HUS1: variants seen among roughly 807,000 people sequenced by gnomAD.
HUS1 encodes the protein HUS1 checkpoint clamp component, also known as checkpoint protein HUS1.
Under a neutral mutation model 32.6 loss-of-function variants are expected in HUS1, and 31 were observed. That is an observed-to-expected ratio of 0.95 (90% confidence interval 0.72 to 1.28). The LOEUF (loss-of-function observed/expected upper bound fraction) is 1.28. Among genes scored for constraint, HUS1 ranks in the 50% most tolerant of loss-of-function variants. The pLI is 0.00. For missense variants in HUS1, 340 were observed against 337.7 expected (o/e 1.01, Z -0.05); for synonymous variants, 123 against 116.6 (o/e 1.06, Z -0.36).
At chr7:47,975,477 C>T (rs1788683152) in intron 5 of HUS1, 136 bp downstream of exon 5, 2 of 662,992 alleles carry the variant, frequency 3.0e-6, no homozygotes, top group Admixed American at 2.7e-5. Context: ...AGGTTCTCAG[C>T]ACCAGGCCAG....
At chr7:47,971,121 A>G (rs1180213549) in intron 5 of HUS1, 1 of 166,402 alleles carries the variant, frequency 6.0e-6, no homozygotes, top group African/African-American at 2.4e-5. Context: ...GAAGGGGGAA[A>G]ATGAGAAGAA....
Position 47,965,012 on chromosome 7 carries a change from G to C in HUS1, c.*344C>G, listed in dbSNP as rs1788448951. On this transcript the variant is annotated 3_prime_UTR_variant, in exon 8 of 8. Coordinates refer to ENST00000258774, the MANE Select transcript of HUS1 (RefSeq NM_004507.4). ...CTGGAGGGAAAGTACCAAGCTCCCA[G>C]GCAACAGCTTTACGAATTCTGGCTA... 4.6e-6 allele frequency: 1 copy of C among 218,668 alleles called. No homozygotes were observed. Among genetic ancestry groups the C allele is most frequent in the South Asian group, 7.0e-5 (1 of 14,256 alleles). The allele number at this position is 218,668 out of a possible 1,614,324, so 13.5% of individuals were successfully genotyped here. A position where few individuals can be genotyped will look rare whatever the true frequency, so the allele number is the denominator to read the frequency against.
chr7:47,977,192 TGAG>T (rs1392784469), intron 3 of HUS1, among the ~76,000 whole-genome samples: 3 of 151,608 alleles, frequency 2.0e-5, no homozygotes, highest in Admixed American at 6.6e-5. Context: ...TTCCTTAGAC[TGAG>T]GAGGTGACAT....
At position 47,964,014 on chromosome 7, in the gene HUS1, C is replaced by T. The variant is rs1788424915; in HGVS notation, c.*1342G>A. ...ATGAAAAAGCCAAAATATAAATTTT[C>T]ATGTTAGCTAGTCTTCCAATTTCAT... On this transcript the variant is annotated 3_prime_UTR_variant, in exon 8 of 8. Coordinates refer to ENST00000258774, the MANE Select transcript of HUS1 (RefSeq NM_004507.4). 6.6e-6 allele frequency: 1 copy of T among 152,188 alleles called. No individual in the cohort carries two copies. Among genetic ancestry groups the T allele is most frequent in the African/African-American group, 2.4e-5 (1 of 41,432 alleles). The allele number at this position is 152,188 out of a possible 1,614,324, so 9.4% of individuals were successfully genotyped here. A position where few individuals can be genotyped will look rare whatever the true frequency, so the allele number is the denominator to read the frequency against.
At chr7:47,977,009 AC>A (rs1788719079) in intron 3 of HUS1, among the ~76,000 whole-genome samples, 172 bp from the exon 4 acceptor site, 1 of 151,728 alleles carries the variant, frequency 6.6e-6, no homozygotes, top group Admixed American at 6.6e-5. Flanking sequence ...TATTTATGGA[AC>A]AGACTCTGGG....
Position 47,969,238 on chromosome 7 carries a change from A to G in HUS1, c.621T>C (p.Asp207=). The G allele has an allele frequency of 1.3e-6, 2 of 1,564,982 alleles. No individual in the cohort carries two copies. The highest frequency in any genetic ancestry group is 1.7e-6 in the Non-Finnish European group (2 of 1,144,722). The stretch of plus-strand genomic sequence containing the variant: ...ACTTACCTAATGGAGGATTTCCAAG[A>G]TCTTTAAAATGAGTTGTAACACATA... ...ELVCVTTHFK[D]LGNPPLASES... Residue 207 remains aspartate (D), a synonymous_variant, in exon 6 of 8, where the codon GAT becomes GAC. Transcript: ENST00000258774.
At position 47,979,562 on chromosome 7, in the gene HUS1, G is replaced by A. The variant is rs200249102; in HGVS notation, c.-43C>T. ...CCGCGGCGGGCCTCTGTGGGTAACA[G>A]AAAAGCGTCGCGCCCTGAGTGTCCC... On this transcript the variant is annotated 5_prime_UTR_variant, in exon 1 of 8. Coordinates refer to ENST00000258774, the MANE Select transcript of HUS1 (RefSeq NM_004507.4). The A allele has an allele frequency of 4.1e-5, 62 of 1,510,384 alleles. No homozygotes were observed. The highest frequency in any genetic ancestry group is 6.4e-6 in the Non-Finnish European group (7 of 1,091,592). The allele number at this position is 1,510,384 out of a possible 1,614,324, so 93.6% of individuals were successfully genotyped here.
rs532404677 is a variant in HUS1 at position 47,966,908 on chromosome 7, C to T, written c.760+898G>A. On this transcript the variant is annotated intron_variant, in intron 7 of 7. Transcript: ENST00000258774. ...TTCTCTGGCGATATCTCCTTCTGTG[C>T]CCATCACTCCAACTGTGTGACACCT... 3.3e-4 allele frequency among the ~76,000 whole-genome samples: 50 copies of T among 152,334 alleles called. 2 individuals are homozygous for T. In the South Asian group the frequency reaches 9.5e-3, roughly 29 times the overall value.
At chr7:47,970,073 A>T (rs1159447276) in intron 5 of HUS1, among the ~76,000 whole-genome samples, 6 of 151,726 alleles carry the variant, frequency 4.0e-5, no homozygotes, top group African/African-American at 1.5e-4. Context: ...CTCTACTAAA[A>T]ATACAAAAAA....
intron 7 of HUS1, among the ~76,000 whole-genome samples, chr7:47,967,044 C>T (rs189942572): frequency 2.6e-5 from 4 of 152,304 alleles, no homozygotes; most frequent in Admixed American, 6.5e-5. Context: ...TCTTCTGTTC[C>T]TTCTCTACAG....
chr7:47,979,511 A>C lies in HUS1; in HGVS notation c.9T>G (p.Phe3Leu). 6.2e-7 allele frequency: 1 copy of C among 1,612,080 alleles called. No individual in the cohort carries two copies. The highest frequency in any genetic ancestry group is 8.5e-7 in the Non-Finnish European group (1 of 1,179,834). The change falls in exon 1 of 8, where the codon TTT becomes TTG. Residue 3 changes from phenylalanine to leucine, a missense_variant. Coordinates refer to ENST00000258774, the MANE Select transcript of HUS1 (RefSeq NM_004507.4). ...AGGCCCCGTCCACGATCTTGGCCCG[A>C]AACTTCATGGCCGCGGATGGCGCAG... MKFRAKIVDGACL... is the reference protein window; with the variant it reads MKLRAKIVDGACL...
At chr7:47,974,783 C>T (rs1319502233) in intron 5 of HUS1, among the ~76,000 whole-genome samples, 1 of 152,118 alleles carries the variant, frequency 6.6e-6, no homozygotes, top group East Asian at 1.9e-4. Context: ...CACACTGTAA[C>T]ATTTCGAGCC....
intron 5 of HUS1, among the ~76,000 whole-genome samples, chr7:47,975,335 AG>A (rs772390930): frequency 5.3e-5 from 8 of 151,472 alleles, no homozygotes; most frequent in Non-Finnish European, 1.2e-4. Context: ...AAAAAAAAAA[AG>A]AAAGATACAA....
chr7:47,970,526 C>T lies in HUS1; in HGVS notation c.541-1208G>A, dbSNP rs1361473522. Among the ~76,000 whole-genome samples, 5 of 151,836 alleles carry T rather than the reference C, an allele frequency of 3.3e-5. No homozygotes were observed. In the East Asian group the frequency reaches 9.7e-4, roughly 29 times the overall value. ...GAAACAAAGAGTTAAAAGGATCTGA[C>T]AGAAAATAATAAAGACAGTGGAGAA... is the stretch of plus-strand genomic sequence containing the variant. On this transcript the variant is annotated intron_variant, in intron 5 of 7. Transcript: ENST00000258774.
intron 3 of HUS1, among the ~76,000 whole-genome samples, chr7:47,977,087 A>T (rs1216378269): frequency 3.3e-5 from 5 of 152,184 alleles, no homozygotes; most frequent in Non-Finnish European, 7.3e-5. Context: ...TGGAACAAAC[A>T]GATCAATAAA....
chr7:47,978,695 C>T lies in HUS1; in HGVS notation c.174G>A (p.Leu58=), dbSNP rs1788761732. Residue 58 remains leucine (L), a synonymous_variant, in exon 2 of 8, where the codon CTG becomes CTA. Transcript: ENST00000258774. ...ANGGVSMWCE[L]EQENFFNEFQ... ...CTCAGAAGCTTTTGCTCACCTGTTC[C>T]AGCTCACACCACATGCTCACTCCTC... 2 of 1,614,118 alleles carry T rather than the reference C, an allele frequency of 1.2e-6. No homozygotes were observed. Among genetic ancestry groups the T allele is most frequent in the Non-Finnish European group, 1.7e-6 (2 of 1,179,976 alleles).
chr7:47,978,804 A>AT lies in HUS1; in HGVS notation c.64dup (p.Met22AsnfsTer16), dbSNP rs1186739138. 5.6e-6 allele frequency: 9 copies of AT among 1,613,876 alleles called. No homozygotes were observed. Among genetic ancestry groups the AT allele is most frequent in the Non-Finnish European group, 7.6e-6 (9 of 1,180,002 alleles). Reference sequence around the variant, plus strand: ...GCAGGTTTTGGCAAGCTTGGCTATCATGTTACTGATTCCTAAAGCAGGGGT... The same window carrying AT: ...GCAGGTTTTGGCAAGCTTGGCTATCATTGTTACTGATTCCTAAAGCAGGGGT... On this transcript the variant is annotated frameshift_variant, in exon 2 of 8. Coordinates refer to ENST00000258774, the MANE Select transcript of HUS1 (RefSeq NM_004507.4). LOFTEE classifies it high-confidence loss of function.
At chr7:47,973,949 G>C (rs1458243648) in intron 5 of HUS1, among the ~76,000 whole-genome samples, 1 of 152,170 alleles carries the variant, frequency 6.6e-6, no homozygotes, top group Non-Finnish European at 1.5e-5. Flanking sequence ...AAGCCAGCCT[G>C]ACAACTGGAT....
At chr7:47,979,325 A>G (rs1031929214) in intron 1 of HUS1, 143 bp downstream of exon 1, 21 of 310,568 alleles carry the variant, frequency 6.8e-5, no homozygotes, top group African/African-American at 5.8e-4. Flanking sequence ...CCCGCGGCCT[A>G]CACCAGCACC....
Sources: allele counts gnomAD v4.1 joint callset (sites outside exome capture counted in the v4.1 genomes callset), GRCh38; gene constraint gnomAD v4.1.1; transcripts MANE v1.5; gene names NCBI Gene and HGNC (gene_info 2026-07-23, HGNC 2026-07-21).